LYPLAL1: variants seen among roughly 807,000 people sequenced by gnomAD.
LYPLAL1 encodes lysophospholipase like 1, also known as lysophospholipase-like protein 1.
In LYPLAL1, 23 loss-of-function variants were observed where a neutral mutation model predicts 19.7. The observed-to-expected ratio is 1.17, with a 90% CI of 0.84 to 1.65. The LOEUF is 1.65. Among genes scored for constraint, LYPLAL1 ranks in the 40% most tolerant of loss-of-function variants. The pLI is 0.00. For missense variants in LYPLAL1, 355 were observed against 279.4 expected (o/e 1.27, Z -1.93); for synonymous variants, 119 against 96.3 (o/e 1.24, Z -1.38).
the LYPLAL1 span, among the ~76,000 whole-genome samples, chr1:219,250,476 T>C: frequency 6.6e-6 from 1 of 152,000 alleles, no homozygotes; most frequent in Non-Finnish European, 1.5e-5. Context: ...ACTTTTATTT[T>C]AGGTTTGAGG....
At chr1:219,348,194 AG>A in the LYPLAL1 span, among the ~76,000 whole-genome samples, 1 of 152,212 alleles carries the variant, frequency 6.6e-6, no homozygotes, top group South Asian at 2.1e-4. Flanking sequence ...GCCTTTATGT[AG>A]AAGTCAGGCA....
chr1:219,434,868 AC>A, the LYPLAL1 span, among the ~76,000 whole-genome samples: 141 of 151,900 alleles, frequency 9.3e-4, 1 homozygote, highest in Middle Eastern at 0.014. Flanking sequence ...CTCTGTTGTA[AC>A]TGAATGTGAT....
At chr1:219,328,664 A>C in the LYPLAL1 span, among the ~76,000 whole-genome samples, 1 of 152,168 alleles carries the variant, frequency 6.6e-6, no homozygotes, top group African/African-American at 2.4e-5. Flanking sequence ...TATCTATATA[A>C]ATAAGCCACA....
At chr1:219,250,226 T>G in the LYPLAL1 span, among the ~76,000 whole-genome samples, 1 of 151,962 alleles carries the variant, frequency 6.6e-6, no homozygotes, top group Non-Finnish European at 1.5e-5. Context: ...ATTCACTTTT[T>G]TCTGTATGGA....
At chr1:219,258,135 T>C in the LYPLAL1 span, among the ~76,000 whole-genome samples, 37 of 152,196 alleles carry the variant, frequency 2.4e-4, no homozygotes, top group African/African-American at 8.4e-4. Flanking sequence ...ATTGCTGTTA[T>C]TCTGTTCGTT....
At chr1:219,320,805 G>A in the LYPLAL1 span, among the ~76,000 whole-genome samples, 2,915 of 152,292 alleles carry the variant, frequency 0.019, 83 homozygotes, top group African/African-American at 0.066. Flanking sequence ...ATTCCATTGT[G>A]TATATGTGCC....
the LYPLAL1 span, among the ~76,000 whole-genome samples, chr1:219,306,813 T>C: frequency 1.3e-5 from 1 of 74,400 alleles, no homozygotes; most frequent in Non-Finnish European, 2.5e-5. Flanking sequence ...TAGATAGATA[T>C]AGATAGATAG....
At chr1:219,423,606 T>A in the LYPLAL1 span, among the ~76,000 whole-genome samples, 1 of 152,230 alleles carries the variant, frequency 6.6e-6, no homozygotes, top group Non-Finnish European at 1.5e-5. Context: ...GTATATTTAC[T>A]TGTTTACTAG....
the LYPLAL1 span, among the ~76,000 whole-genome samples, chr1:219,399,406 T>C: frequency 6.6e-6 from 1 of 152,142 alleles, no homozygotes; most frequent in Admixed American, 6.5e-5. Flanking sequence ...AAGGGTCTAA[T>C]TGCAATGGCA....
At chr1:219,298,259 G>A in the LYPLAL1 span, among the ~76,000 whole-genome samples, 2 of 152,114 alleles carry the variant, frequency 1.3e-5, no homozygotes, top group Non-Finnish European at 2.9e-5. Flanking sequence ...GCAGTGAGCC[G>A]AGATACAGCC....
At chr1:219,444,875 A>G in the LYPLAL1 span, among the ~76,000 whole-genome samples, 1 of 152,146 alleles carries the variant, frequency 6.6e-6, no homozygotes, top group Non-Finnish European at 1.5e-5. Flanking sequence ...ATCTACTCCC[A>G]TTATTTTTTT....
the LYPLAL1 span, among the ~76,000 whole-genome samples, chr1:219,293,805 G>C: frequency 6.6e-6 from 1 of 152,224 alleles, no homozygotes; most frequent in Non-Finnish European, 1.5e-5. Flanking sequence ...AGTAGCTTGT[G>C]TTTCCAATAT....
the LYPLAL1 span, among the ~76,000 whole-genome samples, chr1:219,404,725 C>G: frequency 6.6e-6 from 1 of 152,176 alleles, no homozygotes; most frequent in Admixed American, 6.5e-5. Context: ...AGGGTGGCTA[C>G]ACTTAACAAT....
At chr1:219,193,298 A>G (rs756045724) in intron 3 of LYPLAL1, 47 bp downstream of exon 3, 1 of 1,449,208 alleles carries the variant, frequency 6.9e-7, no homozygotes, top group Admixed American at 1.8e-5. Context: ...ACTTTTGTCT[A>G]ATTCTATACA....
chr1:219,209,833 C>G (rs1166345138), intron 3 of LYPLAL1, among the ~76,000 whole-genome samples: 1 of 152,026 alleles, frequency 6.6e-6, no homozygotes, highest in African/African-American at 2.4e-5. Flanking sequence ...TTCCCCTGAA[C>G]AGGAGGGTCT....
At chr1:219,185,776 G>GT (rs1656673993) in intron 2 of LYPLAL1, among the ~76,000 whole-genome samples, 1 of 151,880 alleles carries the variant, frequency 6.6e-6, no homozygotes. Context: ...TCTTATTACC[G>GT]TAACACCTAT....
chr1:219,200,325 T>G (rs1399028250), intron 3 of LYPLAL1: 1 of 201,630 alleles, frequency 5.0e-6, no homozygotes, highest in Non-Finnish European at 1.1e-5. Context: ...AGCAAAATTT[T>G]TATAGCCATC....
At chr1:219,174,927 A>G in intron 1 of LYPLAL1, 1 of 985,498 alleles carries the variant, frequency 1.0e-6, no homozygotes, top group Non-Finnish European at 1.2e-6. Flanking sequence ...AGTGAATTGT[A>G]AGAGAAAAAA....
At chr1:219,268,558 A>G in the LYPLAL1 span, among the ~76,000 whole-genome samples, 2 of 152,220 alleles carry the variant, frequency 1.3e-5, no homozygotes, top group Non-Finnish European at 2.9e-5. Context: ...TATTGTAAGT[A>G]CTTTTACTTT....
Sources: gnomAD v4.1 joint callset for allele counts (sites outside exome capture counted in the v4.1 genomes callset) on GRCh38, gnomAD v4.1.1 for gene constraint, MANE v1.5 for transcripts, NCBI Gene and HGNC (gene_info 2026-07-23, HGNC 2026-07-21) for gene names.